TANGO6: variants seen among roughly 807,000 people sequenced by gnomAD.
TANGO6 encodes transport and Golgi organization protein 6 homolog.
TANGO6 carries 90 observed loss-of-function variants against 114.2 expected under a neutral mutation model. The observed-to-expected ratio is 0.79, with a 90% CI of 0.66 to 0.94. The LOEUF (loss-of-function observed/expected upper bound fraction) is 0.94. Among genes scored for constraint, TANGO6 ranks in the 40% least tolerant of loss-of-function variants. The probability of loss-of-function intolerance (pLI) is 0.00; values close to 1 mark genes in which losing one functional copy is unlikely to be tolerated. For synonymous variants in TANGO6, 477 were observed against 509.8 expected (o/e 0.94, Z 0.87); for missense variants, 1,274 against 1,315.3 (o/e 0.97, Z 0.49).
chr16:69,081,919 C>T (rs984364972), intron 17 of TANGO6, among the ~76,000 whole-genome samples: 2 of 151,896 alleles, frequency 1.3e-5, no homozygotes, highest in African/African-American at 2.4e-5. Context: ...CTGCAACCTC[C>T]GCCTCCTGGG....
chr16:68,980,960 C>T (rs894605988), intron 15 of TANGO6, among the ~76,000 whole-genome samples: 3 of 151,842 alleles, frequency 2.0e-5, no homozygotes, highest in Non-Finnish European at 2.9e-5. Context: ...CGCCACTGCA[C>T]TACAGCCTGG....
chr16:68,941,021 A>G (rs567541771), intron 14 of TANGO6, among the ~76,000 whole-genome samples: 1 of 152,314 alleles, frequency 6.6e-6, no homozygotes, highest in Admixed American at 6.5e-5. Context: ...TAAGGCTGGG[A>G]ACCCTTGAAG....
chr16:68,925,150 A>C (rs1472379447), intron 12 of TANGO6, among the ~76,000 whole-genome samples: 1 of 152,030 alleles, frequency 6.6e-6, no homozygotes, highest in East Asian at 1.9e-4. Context: ...GACTCTACTA[A>C]AAATACAAAA....
At chr16:68,976,702 A>G (rs943798871) in intron 15 of TANGO6, among the ~76,000 whole-genome samples, 4 of 152,226 alleles carry the variant, frequency 2.6e-5, no homozygotes, top group Admixed American at 6.5e-5. Context: ...GGTGTACAGT[A>G]TCCATTTGAG....
chr16:68,876,713 C>G (rs139059405), intron 5 of TANGO6, among the ~76,000 whole-genome samples: 1 of 152,002 alleles, frequency 6.6e-6, no homozygotes, highest in Non-Finnish European at 1.5e-5. Context: ...CCTAGCTACT[C>G]AGGAAGCTGA....
At chr16:69,046,563 G>T (rs969390823) in intron 17 of TANGO6, among the ~76,000 whole-genome samples, 1 of 151,934 alleles carries the variant, frequency 6.6e-6, no homozygotes, top group Admixed American at 6.6e-5. Context: ...TGATCTGCCC[G>T]CCTCAGCCTC....
At position 68,843,602 on chromosome 16, in the gene TANGO6, G is replaced by A. The variant is rs1331781687; in HGVS notation, c.-16G>A. The A allele has an allele frequency of 1.2e-6, 2 of 1,612,206 alleles. No individual in the cohort carries two copies. Among genetic ancestry groups the A allele is most frequent in the Admixed American group, 1.7e-5 (1 of 59,922 alleles). ...GGCGCCTGAGCGGGTCGCGAGCGTGGTGTTACACTCCAGTCATGGCGGCCC... is the reference window on the plus strand; with the variant it reads ...GGCGCCTGAGCGGGTCGCGAGCGTGATGTTACACTCCAGTCATGGCGGCCC... On this transcript the variant is annotated 5_prime_UTR_variant, in exon 1 of 18. It adds an upstream start codon to the 5' untranslated region. Transcript: ENST00000261778.
At chr16:68,984,282 G>A (rs1486300844) in intron 15 of TANGO6, among the ~76,000 whole-genome samples, 1 of 152,124 alleles carries the variant, frequency 6.6e-6, no homozygotes, top group Non-Finnish European at 1.5e-5. Context: ...TCCCTGCTGA[G>A]TCTGCCTAGG....
chr16:68,911,170 T>A (rs1250975119), intron 11 of TANGO6, among the ~76,000 whole-genome samples: 1 of 152,090 alleles, frequency 6.6e-6, no homozygotes, highest in African/African-American at 2.4e-5. Context: ...CAGGCTGGAC[T>A]TGAATTCCTG....
chr16:69,078,566 C>A (rs1424435647), intron 17 of TANGO6, among the ~76,000 whole-genome samples: 1 of 152,086 alleles, frequency 6.6e-6, no homozygotes, highest in Non-Finnish European at 1.5e-5. Flanking sequence ...CTCCCTGTGA[C>A]CTTTACCATG....
intron 17 of TANGO6, among the ~76,000 whole-genome samples, chr16:69,080,169 T>TA (rs1384375781): frequency 1.3e-5 from 2 of 152,228 alleles, no homozygotes; most frequent in Non-Finnish European, 2.9e-5. Flanking sequence ...TCTGCAGCTA[T>TA]AAAAAATAAG....
intron 14 of TANGO6, among the ~76,000 whole-genome samples, chr16:68,953,499 C>CA (rs1273911232): frequency 2.0e-5 from 3 of 152,148 alleles, no homozygotes; most frequent in Admixed American, 1.3e-4. Context: ...GCAAATGATA[C>CA]AAAATCACAC....
chr16:68,944,060 A>T (rs1389683483), intron 14 of TANGO6, among the ~76,000 whole-genome samples: 1 of 152,170 alleles, frequency 6.6e-6, no homozygotes, highest in African/African-American at 2.4e-5. Context: ...TAGCCTAAAG[A>T]TATCCCTTGA....
At chr16:68,903,383 C>T (rs748966518) in intron 9 of TANGO6, among the ~76,000 whole-genome samples, 1 of 152,044 alleles carries the variant, frequency 6.6e-6, no homozygotes, top group Non-Finnish European at 1.5e-5. Context: ...CTTTAGGAGG[C>T]TGAGGCGGGT....
intron 4 of TANGO6, among the ~76,000 whole-genome samples, chr16:68,874,256 T>C (rs747629564): frequency 3.9e-5 from 6 of 152,212 alleles, no homozygotes; most frequent in Non-Finnish European, 2.9e-5. Flanking sequence ...CTCTGAACTA[T>C]GTTTCTTCCA....
intron 14 of TANGO6, chr16:68,973,190 C>G (rs1963726622): frequency 2.2e-6 from 1 of 455,752 alleles, no homozygotes; most frequent in Non-Finnish European, 4.4e-6. Flanking sequence ...AAACCCAAAG[C>G]AGAGTTGATG....
At chr16:69,042,069 T>C (rs923486932) in intron 17 of TANGO6, among the ~76,000 whole-genome samples, 1 of 152,206 alleles carries the variant, frequency 6.6e-6, no homozygotes, top group Admixed American at 6.5e-5. Flanking sequence ...TCCTATTTCA[T>C]TGGCCAGAAC....
chr16:69,012,556 C>CAAAA (rs1175561720), intron 15 of TANGO6, among the ~76,000 whole-genome samples: 14 of 36,460 alleles, frequency 3.8e-4, no homozygotes, highest in South Asian at 1.1e-3. Context: ...AACTCTGTCT[C>CAAAA]AAAAAAAAAA....
chr16:69,009,073 T>C (rs12934020), intron 15 of TANGO6, among the ~76,000 whole-genome samples: 1 of 89,340 alleles, frequency 1.1e-5, no homozygotes, highest in South Asian at 3.3e-4. Context: ...AGTTTATTTC[T>C]TTTTTTTTTT....
Sources: allele counts gnomAD v4.1 joint callset (sites outside exome capture counted in the v4.1 genomes callset), GRCh38; gene constraint gnomAD v4.1.1; transcripts MANE v1.5; gene names NCBI Gene and HGNC (gene_info 2026-07-23, HGNC 2026-07-21).